The following MCM6 variants were observed in gnomAD, a reference collection of about 807,000 sequenced individuals.
MCM6 encodes minichromosome maintenance complex component 6.
Under a neutral mutation model 94.3 loss-of-function variants are expected in MCM6, and 46 were observed. The ratio of observed to expected loss-of-function variants is 0.49; its 90% CI spans 0.39 to 0.62. The LOEUF (loss-of-function observed/expected upper bound fraction) is 0.62. Ranked by LOEUF, MCM6 falls within the 20% of genes least tolerant of loss-of-function variation. The probability of loss-of-function intolerance (pLI) is 0.00; values close to 1 mark genes in which losing one functional copy is unlikely to be tolerated. For missense variants in MCM6, 865 were observed against 1,017.9 expected (o/e 0.85, Z 2.04); for synonymous variants, 335 against 351.9 (o/e 0.95, Z 0.54).
intron 7 of MCM6, among the ~76,000 whole-genome samples, chr2:135,863,469 A>G (rs1680030915): frequency 6.6e-6 from 1 of 152,182 alleles, no homozygotes; most frequent in African/African-American, 2.4e-5. Context: ...TCACTCTGGA[A>G]GATCCGAGCA....
At chr2:135,854,560 G>GA (rs1307863266) in intron 11 of MCM6, among the ~76,000 whole-genome samples, 1 of 132,788 alleles carries the variant, frequency 7.5e-6, no homozygotes, top group Non-Finnish European at 1.6e-5. Flanking sequence ...AAGAGAAAAA[G>GA]AAAAAGAAAA....
chr2:135,848,067 G>C lies in MCM6; in HGVS notation c.2039C>G (p.Ala680Gly). Residue 680 changes from alanine (A) to glycine (G), a missense_variant, in exon 14 of 17, where the codon GCT (alanine) becomes GGT (glycine). This residue lies in a region of MCM6 where 308 missense variants were observed against 324.5 expected (regional missense o/e 0.95). Coordinates refer to ENST00000264156, the MANE Select transcript of MCM6 (RefSeq NM_005915.6). ...AAGTATCTCACCATTGATGCCACCA[G>C]CACCCTCATCTACCTCCATCTGGAT... is the stretch of plus-strand genomic sequence containing the variant. ...EEIQMEVDEG[A>G]GGINGHADSP... The C allele has an allele frequency of 6.2e-7, 1 of 1,610,150 alleles. No individual in the cohort carries two copies.
At chr2:135,853,795 C>T (rs1362633930) in intron 11 of MCM6, among the ~76,000 whole-genome samples, 1 of 151,286 alleles carries the variant, frequency 6.6e-6, no homozygotes, top group African/African-American at 2.4e-5. Context: ...AAAAAGTGTG[C>T]AGATATATAC....
intron 4 of MCM6, among the ~76,000 whole-genome samples, chr2:135,867,505 T>C (rs1680113078): frequency 6.6e-6 from 1 of 152,204 alleles, no homozygotes; most frequent in Admixed American, 6.5e-5. Context: ...GGAGAATGAT[T>C]ATCAGAGCAA....
chr2:135,876,194 C>T (rs975334470), intron 1 of MCM6, 65 bp downstream of exon 1: 26 of 1,310,580 alleles, frequency 2.0e-5, no homozygotes, highest in African/African-American at 4.6e-5. Context: ...GCCCACACGG[C>T]ACCGCCTGGC....
At chr2:135,867,708 A>G (rs925815167) in intron 4 of MCM6, among the ~76,000 whole-genome samples, 2 of 151,864 alleles carry the variant, frequency 1.3e-5, no homozygotes, top group Non-Finnish European at 2.9e-5. Flanking sequence ...TAAACCCATC[A>G]CGGACTTATT....
chr2:135,840,817 T>G lies in MCM6; in HGVS notation c.*18A>C. 6.4e-7 allele frequency: 1 copy of G among 1,555,500 alleles called. No homozygotes were observed. The highest frequency in any genetic ancestry group is 8.9e-7 in the Non-Finnish European group (1 of 1,126,584). ...CTGTGCCACAGTTCCTCAGCTCTGG[T>G]CAGTTACTTTCACTATCTCAATCTT... On this transcript the variant is annotated 3_prime_UTR_variant, in exon 17 of 17. Transcript: ENST00000264156.
At chr2:135,845,846 G>C (rs1679660947) in intron 15 of MCM6, among the ~76,000 whole-genome samples, 1 of 152,212 alleles carries the variant, frequency 6.6e-6, no homozygotes, top group Admixed American at 6.5e-5. Context: ...TGATAGTATA[G>C]ATTTCTAGGC....
intron 8 of MCM6, among the ~76,000 whole-genome samples, chr2:135,862,297 CAAATAATAAAATTTGTAT>C (rs1680010427): frequency 9.4e-6 from 1 of 106,192 alleles, no homozygotes; most frequent in African/African-American, 4.8e-5. Context: ...AAATTTTATA[CAAATAATAAAATTTGTAT>C]AAAATTTTAT....
rs1422174241 is a variant in MCM6, at chr2:135,866,280, G to A, written c.782-3C>T. ...GGAATTAGTTTCTGCACGTGCTCCT[G>A]AAACAGAATGATAGGTTGTTTCACA... On this transcript the variant is annotated splice_polypyrimidine_tract_variant and splice_region_variant and intron_variant, in intron 5 of 16. Transcript: ENST00000264156. 2 of 1,613,788 alleles carry A rather than the reference G, an allele frequency of 1.2e-6. No homozygotes were observed. Among genetic ancestry groups the A allele is most frequent in the African/African-American group, 1.3e-5 (1 of 74,900 alleles).
At chr2:135,862,506 AC>A in intron 8 of MCM6, 100 bp downstream of exon 8, 1 of 1,199,708 alleles carries the variant, frequency 8.3e-7, no homozygotes, top group Non-Finnish European at 1.2e-6. Context: ...GTCATAATTT[AC>A]ACTCCTAGTA....
Position 135,866,721 on chromosome 2 carries a change from A to C in MCM6, c.623T>G (p.Ile208Ser). The C allele has an allele frequency of 6.2e-7, 1 of 1,607,496 alleles. No individual in the cohort carries two copies. The highest frequency in any genetic ancestry group is 8.5e-7 in the Non-Finnish European group (1 of 1,177,576). The change falls in exon 5 of 17, where the codon ATT (isoleucine) becomes AGT (serine). Residue 208 changes from isoleucine (I) to serine (S), a missense_variant. By Grantham distance (142) the Ile-to-Ser change is moderately radical (BLOSUM62 -2). Transcript: ENST00000264156. Reference protein sequence around the residue: ...SRFVDFQKVRIQETQAELPRG... With the variant: ...SRFVDFQKVRSQETQAELPRG... ...AGGAAGCTCAGCTTGGGTCTCTTGA[A>C]TACGAACCTGTAATACAGACAAACA... is the stretch of plus-strand genomic sequence containing the variant.
rs190091025 is a variant in MCM6 at position 135,854,074 on chromosome 2, A to G, written c.1627-1159T>C. Among the ~76,000 whole-genome samples the G allele has an allele frequency of 1.1e-4, 16 of 152,252 alleles. No individual in the cohort carries two copies. In the East Asian group the frequency reaches 3.1e-3, roughly 29 times the overall value. On this transcript the variant is annotated intron_variant, in intron 11 of 16. Coordinates refer to ENST00000264156, the MANE Select transcript of MCM6 (RefSeq NM_005915.6). ...AAACTCGGTCTCTACAAAAAATACA[A>G]AAGTTAGCTGGGCATGGGGGCCTGC... is the stretch of plus-strand genomic sequence containing the variant.
chr2:135,865,867 T>C (rs1469989231), intron 6 of MCM6, among the ~76,000 whole-genome samples: 1 of 152,114 alleles, frequency 6.6e-6, no homozygotes, highest in Non-Finnish European at 1.5e-5. Context: ...AGGGTAGGTG[T>C]TTCTTAAGCT....
Position 135,844,656 on chromosome 2 carries a change from G to T in MCM6, c.2238C>A (p.Ser746Arg), listed in dbSNP as rs570529859. ...CCTTCAAGTACCAGTTAACAAGCTC[G>T]CTCCTCTTTAATGCTGACTCGTCCT... ...EEEDESALKRSELVNWYLKEI... is the reference protein window; with the variant it reads ...EEEDESALKRRELVNWYLKEI... Residue 746 changes from serine to arginine, a missense_variant, in exon 16 of 17, where the codon AGC becomes AGA. Physicochemically the swap from Ser to Arg is moderately radical, Grantham distance 110 (BLOSUM62 -1). Coordinates refer to ENST00000264156, the MANE Select transcript of MCM6 (RefSeq NM_005915.6). 42 of 1,584,882 alleles carry T rather than the reference G, an allele frequency of 2.7e-5. 1 individual carries two copies. In the East Asian group the frequency reaches 6.9e-4, roughly 26 times the overall value.
intron 8 of MCM6, among the ~76,000 whole-genome samples, chr2:135,860,576 A>T (rs1184077826): frequency 6.6e-6 from 1 of 152,254 alleles, no homozygotes; most frequent in Non-Finnish European, 1.5e-5. Context: ...AACATCTGAA[A>T]ATCAATCAAT....
Position 135,840,734 on chromosome 2 carries a change from C to A in MCM6, c.*101G>T. Reference sequence around the variant, plus strand: ...CTGAAAACAAATCCTGGAAGCATCACTTCCAGAAACACTTCTGTCCCTAGC... The same window carrying A: ...CTGAAAACAAATCCTGGAAGCATCAATTCCAGAAACACTTCTGTCCCTAGC... On this transcript the variant is annotated 3_prime_UTR_variant, in exon 17 of 17. Transcript: ENST00000264156. 1.3e-6 allele frequency: 1 copy of A among 760,924 alleles called. No individual in the cohort carries two copies. The highest frequency in any genetic ancestry group is 2.3e-6 in the Non-Finnish European group (1 of 441,896). 47.1% of individuals were successfully genotyped at this position (760,924 alleles called of 1,614,324 possible).
Position 135,868,725 on chromosome 2 carries a change from A to G in MCM6, c.501T>C (p.Asp167=), listed in dbSNP as rs1575367551. ...LCLDCQTVIR[D]VEQQFKYTQP... ...GTGTGTATTTGAACTGCTGTTCTAC[A>G]TCCCTGATCACTGTCTGACAGTCCA... Residue 167 remains aspartate, a synonymous_variant, in exon 4 of 17, where the codon GAT becomes GAC. Transcript: ENST00000264156. 11 of 1,614,212 alleles carry G rather than the reference A, an allele frequency of 6.8e-6. No homozygotes were observed. Among genetic ancestry groups the G allele is most frequent in the Non-Finnish European group, 9.3e-6 (11 of 1,180,046 alleles).
intron 5 of MCM6, 78 bp from the exon 6 acceptor site, chr2:135,866,355 G>A: frequency 1.3e-6 from 2 of 1,541,664 alleles, no homozygotes; most frequent in Non-Finnish European, 8.9e-7. Flanking sequence ...ATAAATGAAA[G>A]CTATAAATCC....
Sources: allele counts gnomAD v4.1 joint callset (sites outside exome capture counted in the v4.1 genomes callset), GRCh38; gene constraint gnomAD v4.1.1; regional missense constraint gnomAD v4.1.1; transcripts MANE v1.5; gene names NCBI Gene and HGNC (gene_info 2026-07-23, HGNC 2026-07-21).